The following PSD3 variants were observed in gnomAD, a reference collection of about 807,000 sequenced individuals.
PSD3 encodes the protein PH and SEC7 domain-containing protein 3.
PSD3 carries 49 observed loss-of-function variants against 105.5 expected under a neutral mutation model. The ratio of observed to expected loss-of-function variants is 0.46; its 90% CI spans 0.37 to 0.59. The LOEUF (loss-of-function observed/expected upper bound fraction) is 0.59, where lower values mean the gene tolerates loss of function less well. Ranked by LOEUF, PSD3 falls within the 20% of genes least tolerant of loss-of-function variation. The probability of loss-of-function intolerance (pLI) is 0.00; values close to 1 mark genes in which losing one functional copy is unlikely to be tolerated. For missense variants in PSD3, 1,561 were observed against 1,263.8 expected (o/e 1.24, Z -3.57); for synonymous variants, 557 against 457.8 (o/e 1.22, Z -2.77).
chr8:18,655,861 C>G (rs2130853991), intron 9 of PSD3, among the ~76,000 whole-genome samples, 176 bp from the exon 10 acceptor site: 1 of 152,238 alleles, frequency 6.6e-6, no homozygotes, highest in East Asian at 1.9e-4. Context: ...ATTGGGTGAA[C>G]AACGAACGTT....
chr8:18,669,903 T>G, intron 9 of PSD3, among the ~76,000 whole-genome samples: 1 of 152,234 alleles, frequency 6.6e-6, no homozygotes, highest in East Asian at 1.9e-4. Flanking sequence ...TTAAAACCAT[T>G]CATTTATTCA....
At chr8:18,775,089 AG>A (rs1035827917) in intron 8 of PSD3, among the ~76,000 whole-genome samples, 53 of 152,150 alleles carry the variant, frequency 3.5e-4, no homozygotes, top group African/African-American at 1.1e-3. Context: ...AGCCCCCCCA[AG>A]TTTGAGAAAG....
chr8:18,790,493 G>A (rs995884966), intron 8 of PSD3, among the ~76,000 whole-genome samples: 3 of 151,474 alleles, frequency 2.0e-5, no homozygotes, highest in African/African-American at 4.9e-5. Context: ...TAGTAGAGAT[G>A]GGGTTTCACC....
At chr8:18,569,064 C>A (rs1356928362) in intron 14 of PSD3, among the ~76,000 whole-genome samples, 1 of 131,572 alleles carries the variant, frequency 7.6e-6, no homozygotes, top group Non-Finnish European at 1.6e-5. Context: ...GCGTAGTATT[C>A]CATGGTGTAT....
At chr8:18,724,058 G>C (rs1803176404) in intron 9 of PSD3, among the ~76,000 whole-genome samples, 2 of 152,048 alleles carry the variant, frequency 1.3e-5, no homozygotes, top group South Asian at 4.2e-4. Flanking sequence ...ATTCTTTTGA[G>C]GGTTAATGAT....
intron 2 of PSD3, among the ~76,000 whole-genome samples, chr8:18,897,669 T>A (rs527750381): frequency 1.3e-5 from 2 of 152,328 alleles, no homozygotes; most frequent in Admixed American, 1.3e-4. Context: ...ATATGCCTGC[T>A]GCAATTTCTT....
chr8:18,741,375 G>C (rs541195099), intron 9 of PSD3, among the ~76,000 whole-genome samples: 31 of 152,256 alleles, frequency 2.0e-4, no homozygotes, highest in Non-Finnish European at 4.3e-4. Flanking sequence ...AAGATGATGT[G>C]ACTCCAAGAG....
At chr8:18,680,829 C>T (rs1585601348) in intron 9 of PSD3, among the ~76,000 whole-genome samples, 3 of 152,216 alleles carry the variant, frequency 2.0e-5, no homozygotes, top group East Asian at 1.9e-4. Context: ...ATTCAATTTT[C>T]TTAATTTAAA....
intron 2 of PSD3, among the ~76,000 whole-genome samples, chr8:18,878,055 C>G (rs975348925): frequency 1.3e-5 from 2 of 152,176 alleles, no homozygotes; most frequent in African/African-American, 4.8e-5. Context: ...ACAGTACTGG[C>G]TTCTTAACAG....
intron 2 of PSD3, among the ~76,000 whole-genome samples, chr8:18,920,377 G>T (rs1397690820): frequency 6.6e-6 from 1 of 152,156 alleles, no homozygotes; most frequent in Non-Finnish European, 1.5e-5. Context: ...AAATGCTCAG[G>T]TTAGTCAGAC....
chr8:18,753,897 G>A (rs564239568), intron 9 of PSD3, among the ~76,000 whole-genome samples: 3 of 152,082 alleles, frequency 2.0e-5, no homozygotes, highest in Non-Finnish European at 4.4e-5. Flanking sequence ...ACACAGATTT[G>A]ACTGCCTCTC....
chr8:18,697,336 T>C (rs924920025), intron 9 of PSD3, among the ~76,000 whole-genome samples: 1 of 152,110 alleles, frequency 6.6e-6, no homozygotes, highest in African/African-American at 2.4e-5. Context: ...GTCAGTACTT[T>C]TACCATCCAC....
chr8:18,888,371 T>C (rs1457261410), intron 2 of PSD3, among the ~76,000 whole-genome samples: 2 of 152,106 alleles, frequency 1.3e-5, no homozygotes, highest in Non-Finnish European at 1.5e-5. Context: ...TACAGATCAG[T>C]ATAACCACGT....
chr8:18,737,106 T>G (rs770956299), intron 9 of PSD3, among the ~76,000 whole-genome samples: 3 of 152,214 alleles, frequency 2.0e-5, no homozygotes, highest in Admixed American at 6.5e-5. Context: ...TACTGTTCTC[T>G]TTCCAGATCA....
intron 9 of PSD3, among the ~76,000 whole-genome samples, chr8:18,701,132 A>T (rs1400611814): frequency 1.4e-5 from 2 of 138,056 alleles, no homozygotes; most frequent in Non-Finnish European, 3.1e-5. Context: ...AGCCTGGCTG[A>T]TTTTTTTTTT....
At chr8:19,020,653 A>G (rs1160958160) in intron 1 of PSD3, among the ~76,000 whole-genome samples, 1 of 152,092 alleles carries the variant, frequency 6.6e-6, no homozygotes, top group East Asian at 1.9e-4. Context: ...GGCTACTACA[A>G]CAATTCAAGC....
Position 18,572,510 on chromosome 8 carries a change from C to T in PSD3, c.2784+18G>A. Reference sequence around the variant, plus strand: ...AAAGTACTTTTTCCCAAGGTCAAAGCACTATCAAGATGATTACCTGAGACA... The same window carrying T: ...AAAGTACTTTTTCCCAAGGTCAAAGTACTATCAAGATGATTACCTGAGACA... On this transcript the variant is annotated intron_variant, in intron 14 of 15. Transcript: ENST00000327040. 1 of 1,610,550 alleles carries T rather than the reference C, an allele frequency of 6.2e-7. No individual in the cohort carries two copies. Among genetic ancestry groups the T allele is most frequent in the Non-Finnish European group, 8.5e-7 (1 of 1,177,856 alleles).
intron 1 of PSD3, among the ~76,000 whole-genome samples, chr8:18,970,344 A>AAAAAAAAAAAAAAAAG (rs1563474672): frequency 1.3e-5 from 2 of 148,410 alleles, no homozygotes; most frequent in African/African-American, 5.1e-5. Flanking sequence ...AAAAAAAAAA[A>AAAAAAAAAAAAAAAAG]AAAACAAAGA....
chr8:18,628,109 A>C (rs1437764869), intron 11 of PSD3, among the ~76,000 whole-genome samples: 1 of 152,016 alleles, frequency 6.6e-6, no homozygotes, highest in Non-Finnish European at 1.5e-5. Flanking sequence ...AAAATATTGG[A>C]AAGAGCTTCA....
Sources: gnomAD v4.1 joint callset for allele counts (sites outside exome capture counted in the v4.1 genomes callset) on GRCh38, gnomAD v4.1.1 for gene constraint, MANE v1.5 for transcripts, NCBI Gene and HGNC (gene_info 2026-07-23, HGNC 2026-07-21) for gene names.